Variants in DEPDC5 observed in about 807,000 individuals in gnomAD.
DEPDC5 encodes DEP domain containing 5, GATOR1 subcomplex subunit.
DEPDC5 carries 73 observed loss-of-function variants against 217.3 expected under a neutral mutation model. That is an observed-to-expected ratio of 0.34 (90% confidence interval 0.28 to 0.41). The LOEUF (loss-of-function observed/expected upper bound fraction) is 0.41, where lower values mean the gene tolerates loss of function less well. Among genes scored for constraint, DEPDC5 ranks in the 10% least tolerant of loss-of-function variants. The pLI is 1.00. For synonymous variants in DEPDC5, 733 were observed against 756.7 expected (o/e 0.97, Z 0.51); for missense variants, 1,675 against 2,070.1 (o/e 0.81, Z 3.70).
At chr22:31,847,768 C>T (rs2091826751) in intron 31 of DEPDC5, among the ~76,000 whole-genome samples, 1 of 152,198 alleles carries the variant, frequency 6.6e-6, no homozygotes, top group African/African-American at 2.4e-5. Flanking sequence ...CCTGGCCCCT[C>T]CCAGTTCTCA....
At chr22:31,786,303 G>C (rs1298011484) in intron 10 of DEPDC5, among the ~76,000 whole-genome samples, 1 of 151,228 alleles carries the variant, frequency 6.6e-6, no homozygotes, top group Admixed American at 6.6e-5. Flanking sequence ...AGCCAGGTGT[G>C]GTGGCTCATG....
chr22:31,903,967 G>A (rs2093710679), intron 41 of DEPDC5, among the ~76,000 whole-genome samples: 1 of 152,082 alleles, frequency 6.6e-6, no homozygotes, highest in South Asian at 2.1e-4. Context: ...TGCATAGGGT[G>A]GAGCTTTAAG....
At chr22:31,764,825 A>C in intron 4 of DEPDC5, 150 bp from the exon 5 acceptor site, 1 of 575,860 alleles carries the variant, frequency 1.7e-6, no homozygotes, top group Non-Finnish European at 3.1e-6. Context: ...GAATTGTTTA[A>C]ATTCTAAGCT....
At chr22:31,867,813 A>G (rs2092729069) in intron 33 of DEPDC5, among the ~76,000 whole-genome samples, 1 of 152,154 alleles carries the variant, frequency 6.6e-6, no homozygotes, top group Non-Finnish European at 1.5e-5. Flanking sequence ...CCAAAATAGG[A>G]CTGCAGGACT....
rs376718942 is a variant in DEPDC5, at chr22:31,793,069, A to AAAAT, written c.767+280_767+283dup. 0.063 allele frequency among the ~76,000 whole-genome samples: 9,556 copies of AAAAT among 150,980 alleles called. 654 individuals are homozygous for AAAAT. The highest frequency in any genetic ancestry group is 0.17 in the African/African-American group (7,008 of 40,756). On this transcript the variant is annotated intron_variant, in intron 12 of 42. Transcript: ENST00000651528. Reference sequence around the variant, plus strand: ...TGGGAGAGAGTGAGACCCTGTCTCCAAAATAAATAAATAAATAAATAAATA... The same window carrying AAAAT: ...TGGGAGAGAGTGAGACCCTGTCTCCAAAATAAATAAATAAATAAATAAATAAATA...
chr22:31,771,628 G>A (rs147798974), intron 7 of DEPDC5, among the ~76,000 whole-genome samples: 2,074 of 151,524 alleles, frequency 0.014, 16 homozygotes, highest in Middle Eastern at 0.031. Flanking sequence ...GCTGAGGCAG[G>A]AGAATCGCTT....
At position 31,833,968 on chromosome 22, in the gene DEPDC5, T is replaced by G; in HGVS notation, c.2158T>G (p.Ser720Ala). The G allele has an allele frequency of 1.9e-6, 3 of 1,613,210 alleles. No homozygotes were observed. Among genetic ancestry groups the G allele is most frequent in the Non-Finnish European group, 2.5e-6 (3 of 1,179,456 alleles). ...TTCTCTAGAGGACAGTGTTTCTACC[T>G]CTCCAGACCCAAGTAAGAGGGGGCA... Reference protein sequence around the residue: ...KDSLEDSVSTSPDPILTLSAP... With the variant: ...KDSLEDSVSTAPDPILTLSAP... The change falls in exon 25 of 43, where the codon TCT (serine) becomes GCT (alanine). Residue 720 changes from serine (S) to alanine (A), a missense_variant. Coordinates refer to ENST00000651528, the MANE Select transcript of DEPDC5 (RefSeq NM_001242896.3).
intron 33 of DEPDC5, among the ~76,000 whole-genome samples, chr22:31,870,381 A>T (rs566860089): frequency 1.5e-3 from 233 of 152,346 alleles, no homozygotes; most frequent in African/African-American, 5.1e-3. Flanking sequence ...AAGGCAGTGC[A>T]CACAAGACTG....
rs1459756518 is a variant in DEPDC5 at position 31,906,220 on chromosome 22, A to G, written c.4535A>G (p.Gln1512Arg). The G allele has an allele frequency of 6.2e-7, 1 of 1,613,842 alleles. No homozygotes were observed. Among genetic ancestry groups the G allele is most frequent in the Non-Finnish European group, 8.5e-7 (1 of 1,179,880 alleles). Residue 1512 changes from glutamine (Q) to arginine (R), a missense_variant, in exon 43 of 43, where the codon CAG becomes CGG. Physicochemically the swap from Gln to Arg is conservative, Grantham distance 43. Around this residue, in one of 11 missense-constraint regions of DEPDC5, gnomAD observed 182 missense variants for 290.1 expected, o/e 0.63. Transcript: ENST00000651528. The surrounding 1 kb of genome is among the most constrained non-coding windows in gnomAD (Gnocchi z 5.1). The stretch of plus-strand genomic sequence containing the variant: ...TTCTCTTCAGGAACAGTGTTTCTGC[A>G]GCTGCCCTACTCCAAGCGCAAGTTC... ...YIHVTGTVFLQLPYSKRKFSG... is the reference protein window; with the variant it reads ...YIHVTGTVFLRLPYSKRKFSG...
intron 7 of DEPDC5, 192 bp downstream of exon 7, chr22:31,769,055 TCA>T (rs2083082926): frequency 3.6e-6 from 2 of 559,760 alleles, no homozygotes; most frequent in African/African-American, 3.8e-5. Flanking sequence ...GGTCAGGAGA[TCA>T]GGACCATACT....
At chr22:31,822,425 A>T (rs1034596946) in intron 23 of DEPDC5, among the ~76,000 whole-genome samples, 1 of 151,786 alleles carries the variant, frequency 6.6e-6, no homozygotes, top group African/African-American at 2.4e-5. Flanking sequence ...AGGCATAGGG[A>T]GGCATAGGGC....
At chr22:31,767,848 C>T (rs2082956694) in intron 6 of DEPDC5, among the ~76,000 whole-genome samples, 1 of 151,794 alleles carries the variant, frequency 6.6e-6, no homozygotes, top group Non-Finnish European at 1.5e-5. Flanking sequence ...CCGGGTTCAC[C>T]CATTCTTCTG....
intron 10 of DEPDC5, among the ~76,000 whole-genome samples, chr22:31,791,033 C>T (rs2085572682): frequency 6.6e-6 from 1 of 151,998 alleles, no homozygotes; most frequent in South Asian, 2.1e-4. Flanking sequence ...AGGTTTGAGC[C>T]ACCACGCCCA....
intron 38 of DEPDC5, among the ~76,000 whole-genome samples, chr22:31,888,241 T>TG (rs2093360688): frequency 2.7e-4 from 3 of 11,076 alleles, no homozygotes; most frequent in Non-Finnish European, 7.8e-4. Context: ...TTGTCTGTGG[T>TG]TTTTTTTTTT....
At chr22:31,822,645 A>T in intron 23 of DEPDC5, 48 bp from the exon 24 acceptor site, 1 of 1,581,574 alleles carries the variant, frequency 6.3e-7, no homozygotes, top group Non-Finnish European at 8.7e-7. Flanking sequence ...CAGGAAAAAG[A>T]GGTGATGATC....
At chr22:31,902,432 ATATACT>A (rs57383617) in intron 41 of DEPDC5, among the ~76,000 whole-genome samples, 4,420 of 135,580 alleles carry the variant, frequency 0.033, 121 homozygotes, top group East Asian at 0.059. Flanking sequence ...ATATATATAT[ATATACT>A]TATATATACT....
At chr22:31,878,925 G>C (rs562859838) in intron 37 of DEPDC5, among the ~76,000 whole-genome samples, 28 of 150,836 alleles carry the variant, frequency 1.9e-4, no homozygotes, top group Admixed American at 7.9e-4. Flanking sequence ...TACTCAAGAG[G>C]CTGAGGTAGG....
chr22:31,796,730 T>C (rs1370772021), intron 12 of DEPDC5, among the ~76,000 whole-genome samples: 3 of 151,884 alleles, frequency 2.0e-5, no homozygotes, highest in South Asian at 2.1e-4. Context: ...GGAGTCTCGC[T>C]CTTTCTCCCA....
chr22:31,872,266 AG>A (rs1205385014), intron 34 of DEPDC5, among the ~76,000 whole-genome samples: 18 of 152,350 alleles, frequency 1.2e-4, no homozygotes, highest in African/African-American at 4.3e-4. Flanking sequence ...ACCTGGATTC[AG>A]ATCCACATCC....
Sources: gnomAD v4.1 joint callset for allele counts (sites outside exome capture counted in the v4.1 genomes callset) on GRCh38, gnomAD v4.1.1 for gene constraint, gnomAD v4.1.1 regional missense constraint, Gnocchi (gnomAD v3.1) non-coding constraint, MANE v1.5 for transcripts, NCBI Gene and HGNC (gene_info 2026-07-23, HGNC 2026-07-21) for gene names.